The following PRKCE variants were observed in gnomAD, a reference collection of about 807,000 sequenced individuals.
PRKCE encodes the protein protein kinase C epsilon type.
PRKCE carries 16 observed loss-of-function variants against 85.4 expected under a neutral mutation model. The ratio of observed to expected loss-of-function variants is 0.19; its 90% CI spans 0.13 to 0.28. The LOEUF (loss-of-function observed/expected upper bound fraction) is 0.28, where lower values mean the gene tolerates loss of function less well. Among genes scored for constraint, PRKCE ranks in the 10% least tolerant of loss-of-function variants. PRKCE has a pLI of 1.00. For missense variants in PRKCE, 573 were observed against 975.2 expected, an observed-to-expected ratio of 0.59 and a Z score of 5.49; for synonymous variants, 388 against 371.5, an observed-to-expected ratio of 1.04 and a Z score of -0.51.
At chr2:45,874,842 G>A (rs1275353869) in intron 2 of PRKCE, among the ~76,000 whole-genome samples, 2 of 152,068 alleles carry the variant, frequency 1.3e-5, no homozygotes, top group East Asian at 3.9e-4. Flanking sequence ...CTAGCAGTGG[G>A]GATATTTGGG....
chr2:46,144,257 C>T (rs1675846089), intron 11 of PRKCE, among the ~76,000 whole-genome samples: 1 of 152,190 alleles, frequency 6.6e-6, no homozygotes, highest in African/African-American at 2.4e-5. Context: ...GCCTTCCTTG[C>T]TGCCTCCAGA....
intron 7 of PRKCE, among the ~76,000 whole-genome samples, chr2:46,002,040 C>T (rs562313413): frequency 7.9e-5 from 12 of 152,314 alleles, no homozygotes; most frequent in Middle Eastern, 3.4e-3. Flanking sequence ...TAATGTCTCA[C>T]GACATGAAAC....
intron 1 of PRKCE, among the ~76,000 whole-genome samples, chr2:45,754,405 A>G (rs1683834753): frequency 6.6e-6 from 1 of 152,192 alleles, no homozygotes; most frequent in Non-Finnish European, 1.5e-5. Flanking sequence ...TTGGCCCTGA[A>G]GAATCTTGGC....
intron 2 of PRKCE, among the ~76,000 whole-genome samples, chr2:45,901,960 C>A (rs1696612795): frequency 6.6e-6 from 1 of 152,146 alleles, no homozygotes; most frequent in Non-Finnish European, 1.5e-5. Context: ...CCATCTTTGC[C>A]TTAGGATAGT....
chr2:46,061,291 A>G (rs1415082800), intron 10 of PRKCE, among the ~76,000 whole-genome samples: 1 of 151,216 alleles, frequency 6.6e-6, no homozygotes, highest in Non-Finnish European at 1.5e-5. Flanking sequence ...TGTATTCTTT[A>G]TAGAGATGGG....
chr2:45,664,210 T>C (rs935347270), intron 1 of PRKCE, among the ~76,000 whole-genome samples: 1 of 152,252 alleles, frequency 6.6e-6, no homozygotes, highest in African/African-American at 2.4e-5. Flanking sequence ...CTTCATGTCA[T>C]TGGATAGTGG....
At chr2:46,125,614 G>A (rs1216046660) in intron 11 of PRKCE, among the ~76,000 whole-genome samples, 2 of 152,152 alleles carry the variant, frequency 1.3e-5, no homozygotes, top group Admixed American at 1.3e-4. Flanking sequence ...AAATTCAACT[G>A]ACTGATGGAA....
At chr2:45,730,595 G>C (rs1288052732) in intron 1 of PRKCE, among the ~76,000 whole-genome samples, 3 of 151,430 alleles carry the variant, frequency 2.0e-5, no homozygotes, top group Non-Finnish European at 4.4e-5. Context: ...TAGTAGGTGG[G>C]ATTACAGGTG....
chr2:45,716,898 C>G (rs1193978213), intron 1 of PRKCE, among the ~76,000 whole-genome samples: 3 of 152,146 alleles, frequency 2.0e-5, no homozygotes, highest in Non-Finnish European at 4.4e-5. Flanking sequence ...AGAATGAGAG[C>G]AGAGCGAAGG....
At chr2:46,182,634 C>T (rs963103259) in intron 14 of PRKCE, among the ~76,000 whole-genome samples, 2 of 152,190 alleles carry the variant, frequency 1.3e-5, no homozygotes, top group Admixed American at 1.3e-4. Context: ...AGACACCAGG[C>T]AGGACTGGTG....
At chr2:46,098,630 A>G (rs931178603) in intron 11 of PRKCE, among the ~76,000 whole-genome samples, 5 of 152,084 alleles carry the variant, frequency 3.3e-5, no homozygotes, top group South Asian at 2.1e-4. Flanking sequence ...TGACATCAAT[A>G]TATTTTATTT....
intron 2 of PRKCE, among the ~76,000 whole-genome samples, chr2:45,863,523 T>G (rs1693338153): frequency 6.6e-6 from 1 of 151,972 alleles, no homozygotes; most frequent in African/African-American, 2.4e-5. Flanking sequence ...CCTTCCTTGT[T>G]TGTTAGGTGC....
intron 1 of PRKCE, chr2:45,701,320 T>C (rs1008224553): frequency 1.3e-5 from 2 of 152,126 alleles, no homozygotes; most frequent in Non-Finnish European, 2.9e-5. Context: ...AAAGGTTAAA[T>C]TGGGATGCTA....
In PRKCE at chr2:46,018,340, G is replaced by C. The variant is rs573537162; in HGVS notation, c.1437+7823G>C. Among the ~76,000 whole-genome samples the C allele has an allele frequency of 1.4e-4, 21 of 152,280 alleles. 1 individual carries two copies. The South Asian group carries it at 4.4e-3, about 32-fold the overall frequency. Reference sequence around the variant, plus strand: ...AGGAACACAGGTGTGGGGAAAGGTAGGTAGGAGTCCCGGCCTTGTGAACTT... The same window carrying C: ...AGGAACACAGGTGTGGGGAAAGGTACGTAGGAGTCCCGGCCTTGTGAACTT... On this transcript the variant is annotated intron_variant, in intron 10 of 14. Transcript: ENST00000306156.
At chr2:45,818,940 C>G (rs1689301049) in intron 1 of PRKCE, among the ~76,000 whole-genome samples, 1 of 152,022 alleles carries the variant, frequency 6.6e-6, no homozygotes, top group South Asian at 2.1e-4. Flanking sequence ...TTTGAATGCT[C>G]AGATGGAGAT....
intron 14 of PRKCE, among the ~76,000 whole-genome samples, chr2:46,178,406 G>C (rs146147383): frequency 1.4e-3 from 220 of 152,338 alleles, no homozygotes; most frequent in African/African-American, 5.0e-3. Context: ...AAATTATAAA[G>C]AGGAAGAAGG....
intron 11 of PRKCE, among the ~76,000 whole-genome samples, chr2:46,137,291 G>A (rs1675095139): frequency 6.6e-6 from 1 of 152,128 alleles, no homozygotes; most frequent in South Asian, 2.1e-4. Flanking sequence ...GAGAAAATAT[G>A]GGGACCCACC....
intron 1 of PRKCE, among the ~76,000 whole-genome samples, chr2:45,708,379 C>G (rs929111375): frequency 6.6e-6 from 1 of 152,150 alleles, no homozygotes; most frequent in Non-Finnish European, 1.5e-5. Flanking sequence ...ATCTTGAATT[C>G]CCACATGTTG....
intron 1 of PRKCE, among the ~76,000 whole-genome samples, chr2:45,745,263 G>A (rs2104694407): frequency 6.6e-6 from 1 of 152,294 alleles, no homozygotes; most frequent in East Asian, 1.9e-4. Flanking sequence ...TGCCTGGTGG[G>A]GAGAGGAGGC....
Sources: gnomAD v4.1 joint callset for allele counts (sites outside exome capture counted in the v4.1 genomes callset) on GRCh38, gnomAD v4.1.1 for gene constraint, MANE v1.5 for transcripts, NCBI Gene and HGNC (gene_info 2026-07-23, HGNC 2026-07-21) for gene names.